The following DIP2B variants were observed in gnomAD, a reference collection of about 807,000 sequenced individuals.
DIP2B encodes the protein disco-interacting protein 2 homolog B.
Under a neutral mutation model 198.0 loss-of-function variants are expected in DIP2B, and 76 were observed. The ratio of observed to expected loss-of-function variants is 0.38; its 90% CI spans 0.32 to 0.46. DIP2B has a LOEUF of 0.46. Ranked by LOEUF, DIP2B falls within the 20% of genes least tolerant of loss-of-function variation. DIP2B has a pLI of 0.99. For synonymous variants in DIP2B, 701 were observed against 739.1 expected, an observed-to-expected ratio of 0.95 and a Z score of 0.84; for missense variants, 1,559 against 1,978.4, an observed-to-expected ratio of 0.79 and a Z score of 4.02.
At chr12:50,631,222 G>A (rs1209668813) in intron 2 of DIP2B, among the ~76,000 whole-genome samples, 1 of 145,758 alleles carries the variant, frequency 6.9e-6, no homozygotes, top group Non-Finnish European at 1.5e-5. Flanking sequence ...TGGACCTCCT[G>A]GGTTCAAGCG....
At chr12:50,652,758 G>A (rs1938479848) in intron 3 of DIP2B, among the ~76,000 whole-genome samples, 2 of 152,076 alleles carry the variant, frequency 1.3e-5, no homozygotes, top group Admixed American at 6.5e-5. Context: ...CATGAACACA[G>A]GATCTCTTTC....
rs2139615315 is a variant in DIP2B, at chr12:50,746,670, T to G, written c.*1831T>G. 6.6e-6 allele frequency: 1 copy of G among 152,280 alleles called. No individual in the cohort carries two copies. The highest frequency in any genetic ancestry group is 2.1e-4 in the South Asian group (1 of 4,818). 9.4% of individuals were successfully genotyped at this position (152,280 alleles called of 1,614,324 possible). The stretch of plus-strand genomic sequence containing the variant: ...GTAATGAGGGAAGTCCTAGGATGGA[T>G]AGAAAAAAAGCACTTACATTGGGGC... On this transcript the variant is annotated 3_prime_UTR_variant, in exon 38 of 38. Coordinates refer to ENST00000301180, the MANE Select transcript of DIP2B (RefSeq NM_173602.3).
intron 1 of DIP2B, among the ~76,000 whole-genome samples, chr12:50,619,047 A>C (rs973492738): frequency 6.6e-6 from 1 of 151,830 alleles, no homozygotes; most frequent in African/African-American, 2.4e-5. Context: ...CCCACCCTCT[A>C]TCACCACCCC....
At chr12:50,639,276 A>C (rs1030283828) in intron 2 of DIP2B, among the ~76,000 whole-genome samples, 1 of 151,894 alleles carries the variant, frequency 6.6e-6, no homozygotes, top group African/African-American at 2.4e-5. Context: ...ATTTTGCTCT[A>C]TATGGTTGCC....
chr12:50,696,670 C>T (rs186947991), intron 16 of DIP2B, among the ~76,000 whole-genome samples: 8 of 152,266 alleles, frequency 5.3e-5, no homozygotes, highest in Non-Finnish European at 1.0e-4. Context: ...TGGGCTTGAC[C>T]TTAATATCAT....
At chr12:50,660,065 A>G in intron 3 of DIP2B, 129 bp from the exon 4 acceptor site, 2 of 989,828 alleles carry the variant, frequency 2.0e-6, no homozygotes, top group South Asian at 6.0e-5. Flanking sequence ...ATTATAAATA[A>G]AAATCATCTG....
At chr12:50,637,650 C>T (rs915755463) in intron 2 of DIP2B, among the ~76,000 whole-genome samples, 1 of 152,150 alleles carries the variant, frequency 6.6e-6, no homozygotes, top group African/African-American at 2.4e-5. Context: ...TGTTTCTTCT[C>T]TGGACACTAG....
intron 4 of DIP2B, among the ~76,000 whole-genome samples, chr12:50,663,382 C>T (rs966839654): frequency 6.6e-6 from 1 of 151,538 alleles, no homozygotes; most frequent in Admixed American, 6.6e-5. Flanking sequence ...CACAGTGAAC[C>T]CCGTCTCTAC....
chr12:50,586,319 T>C (rs1488736693), intron 1 of DIP2B, among the ~76,000 whole-genome samples: 1 of 152,150 alleles, frequency 6.6e-6, no homozygotes, highest in African/African-American at 2.4e-5. Flanking sequence ...CCTGGGTTAT[T>C]TGGAGGATGT....
At chr12:50,733,441 A>G (rs1239200100) in intron 32 of DIP2B, among the ~76,000 whole-genome samples, 1 of 151,984 alleles carries the variant, frequency 6.6e-6, no homozygotes, top group Admixed American at 6.6e-5. Context: ...TAATCCCAAC[A>G]CTTTGTGAGG....
intron 1 of DIP2B, among the ~76,000 whole-genome samples, chr12:50,579,933 T>TCAACACC (rs1555185439): frequency 4.0e-5 from 6 of 149,282 alleles, no homozygotes; most frequent in Admixed American, 1.4e-4. Context: ...AGATCTCCAC[T>TCAACACC]TCTGACTGGC....
chr12:50,505,009 G>C lies in DIP2B; in HGVS notation c.-132G>C. Reference sequence around the variant, plus strand: ...CACGTGACCTTTGCTCATGGCGGCGGCGGCGGCGGCGGCGGTGCTGGTGGT... The same window carrying C: ...CACGTGACCTTTGCTCATGGCGGCGCCGGCGGCGGCGGCGGTGCTGGTGGT... On this transcript the variant is annotated 5_prime_UTR_variant, in exon 1 of 38. Coordinates refer to ENST00000301180, the MANE Select transcript of DIP2B (RefSeq NM_173602.3). The C allele has an allele frequency of 1.1e-6, 1 of 885,538 alleles. No individual in the cohort carries two copies. Among genetic ancestry groups the C allele is most frequent in the Non-Finnish European group, 1.7e-6 (1 of 588,472 alleles). The allele number at this position is 885,538 out of a possible 1,614,324, so 54.9% of individuals were successfully genotyped here. A position where few individuals can be genotyped will look rare whatever the true frequency, so the allele number is the denominator to read the frequency against.
chr12:50,675,500 G>A, intron 7 of DIP2B, 52 bp downstream of exon 7: 1 of 1,554,638 alleles, frequency 6.4e-7, no homozygotes. Flanking sequence ...TATATCTTAA[G>A]CAGTTACTAT....
intron 1 of DIP2B, among the ~76,000 whole-genome samples, chr12:50,512,129 T>TTTG (rs1958023380): frequency 8.1e-6 from 1 of 123,918 alleles, no homozygotes; most frequent in Non-Finnish European, 1.7e-5. Context: ...TTTTTTGAGA[T>TTTG]AGAGTCTTGC....
intron 11 of DIP2B, among the ~76,000 whole-genome samples, chr12:50,686,332 A>G (rs1156802090): frequency 1.3e-5 from 2 of 152,194 alleles, no homozygotes; most frequent in African/African-American, 2.4e-5. Flanking sequence ...TCCACTGCCA[A>G]ACGGACCTCC....
At chr12:50,718,869 T>G (rs375479525) in intron 24 of DIP2B, 51 bp downstream of exon 24, 59 of 1,611,170 alleles carry the variant, frequency 3.7e-5, no homozygotes, top group Non-Finnish European at 4.5e-5. Context: ...AGGACAGAAC[T>G]TACTGCAGGT....
At chr12:50,644,754 A>G (rs1396543155) in intron 3 of DIP2B, among the ~76,000 whole-genome samples, 1 of 152,234 alleles carries the variant, frequency 6.6e-6, no homozygotes, top group Non-Finnish European at 1.5e-5. Flanking sequence ...TGACAGGGAA[A>G]AACATGCTCT....
intron 2 of DIP2B, among the ~76,000 whole-genome samples, chr12:50,636,713 A>G (rs542242414): frequency 7.4e-4 from 112 of 152,356 alleles, no homozygotes; most frequent in African/African-American, 2.6e-3. Context: ...ACTCTGATGC[A>G]TCATGGAGGA....
intron 3 of DIP2B, among the ~76,000 whole-genome samples, chr12:50,658,836 C>G (rs1938596842): frequency 6.6e-6 from 1 of 152,166 alleles, no homozygotes; most frequent in African/African-American, 2.4e-5. Flanking sequence ...CGCCTGTAAT[C>G]CCAGCACTTT....
Sources: gnomAD v4.1 joint callset for allele counts (sites outside exome capture counted in the v4.1 genomes callset) on GRCh38, gnomAD v4.1.1 for gene constraint, MANE v1.5 for transcripts, NCBI Gene and HGNC (gene_info 2026-07-23, HGNC 2026-07-21) for gene names.